Variants in MARCHF6 observed in about 807,000 individuals in gnomAD.
MARCHF6 encodes the protein E3 ubiquitin-protein ligase MARCHF6.
In MARCHF6, 31 loss-of-function variants were observed where a neutral mutation model predicts 133.7. The observed-to-expected ratio is 0.23, with a 90% CI of 0.17 to 0.31. The LOEUF is 0.31. Among genes scored for constraint, MARCHF6 ranks in the 10% least tolerant of loss-of-function variants. The pLI is 1.00. For synonymous variants in MARCHF6, 395 were observed against 402.5 expected (o/e 0.98, Z 0.22); for missense variants, 723 against 1,121.6 (o/e 0.64, Z 5.08).
chr5:10,426,320 G>C (rs911621886), intron 23 of MARCHF6, 70 bp from the exon 24 acceptor site: 1 of 1,542,770 alleles, frequency 6.5e-7, no homozygotes, highest in Non-Finnish European at 8.9e-7. Flanking sequence ...CAGTTGTGTG[G>C]AGATTGCTGT....
intron 1 of MARCHF6, among the ~76,000 whole-genome samples, chr5:10,364,616 T>C (rs1736021361): frequency 2.6e-5 from 4 of 152,172 alleles, no homozygotes; most frequent in Admixed American, 2.6e-4. Context: ...AACTAGCTCA[T>C]TACTGCTGAA....
intron 22 of MARCHF6, among the ~76,000 whole-genome samples, chr5:10,418,474 C>G (rs1036084913): frequency 6.6e-6 from 1 of 151,436 alleles, no homozygotes; most frequent in Non-Finnish European, 1.5e-5. Flanking sequence ...TGGAACTTTT[C>G]TATTGTATTT....
rs1399213132 is a variant in MARCHF6 at position 10,402,150 on chromosome 5, A to G, written c.1053+11A>G. On this transcript the variant is annotated intron_variant, in intron 12 of 25. Transcript: ENST00000274140. ...CTGATAATTTGTCATGTATCCTTTA[A>G]TGAACCAACTTGGGTGTACACTAAT... 2 of 1,524,478 alleles carry G rather than the reference A, an allele frequency of 1.3e-6. No individual in the cohort carries two copies. Among genetic ancestry groups the G allele is most frequent in the Admixed American group, 1.7e-5 (1 of 58,020 alleles). 94.4% of individuals were successfully genotyped at this position (1,524,478 alleles called of 1,614,324 possible). A position where few individuals can be genotyped will look rare whatever the true frequency, so the allele number is the denominator to read the frequency against.
At chr5:10,415,756 T>G in intron 21 of MARCHF6, 87 bp downstream of exon 21, 1 of 1,093,004 alleles carries the variant, frequency 9.1e-7, no homozygotes, top group Non-Finnish European at 1.3e-6. Context: ...TTTTGGCACA[T>G]TTATTTCCTT....
At chr5:10,354,016 CG>C in intron 1 of MARCHF6, 99 bp downstream of exon 1, 3 of 1,252,768 alleles carry the variant, frequency 2.4e-6, no homozygotes, top group Non-Finnish European at 2.1e-6. Flanking sequence ...TGGATCGCGG[CG>C]GGGCGGACGC....
intron 22 of MARCHF6, 28 bp from the exon 23 acceptor site, chr5:10,423,707 A>G: frequency 6.7e-7 from 1 of 1,487,018 alleles, no homozygotes; most frequent in African/African-American, 1.4e-5. Flanking sequence ...AACAACAGAA[A>G]TATGTTAAAT....
At position 10,403,520 on chromosome 5, in the gene MARCHF6, C is replaced by T; in HGVS notation, c.1311C>T (p.Ser437=). 5.6e-6 allele frequency: 9 copies of T among 1,612,950 alleles called. No individual in the cohort carries two copies. Among genetic ancestry groups the T allele is most frequent in the Non-Finnish European group, 7.6e-6 (9 of 1,179,556 alleles). The stretch of plus-strand genomic sequence containing the variant: ...TGGTATATGTCTTCTACTTTGCCTC[C>T]TTCATTCTACTACTGAGAGAGGTAA... ...VGMVYVFYFA[S]FILLLREVLR... Residue 437 remains serine (S), a synonymous_variant, in exon 15 of 26, where the codon TCC becomes TCT. Coordinates refer to ENST00000274140, the MANE Select transcript of MARCHF6 (RefSeq NM_005885.4).
In MARCHF6 at chr5:10,438,529, G is replaced by C. The variant is rs923363837; in HGVS notation, c.*4845G>C. 2 of 152,190 alleles carry C rather than the reference G, an allele frequency of 1.3e-5. No homozygotes were observed. Among genetic ancestry groups the C allele is most frequent in the African/African-American group, 4.8e-5 (2 of 41,456 alleles). 9.4% of individuals were successfully genotyped at this position (152,190 alleles called of 1,614,324 possible). ...ATTAATTTCCCCCTTCCGCTCCACAGTTCATAGCTACTCTTGTTGCAAACA... is the reference window on the plus strand; with the variant it reads ...ATTAATTTCCCCCTTCCGCTCCACACTTCATAGCTACTCTTGTTGCAAACA... On this transcript the variant is annotated 3_prime_UTR_variant, in exon 26 of 26. Coordinates refer to ENST00000274140, the MANE Select transcript of MARCHF6 (RefSeq NM_005885.4).
In MARCHF6 at chr5:10,361,819, A is replaced by G. The variant is rs1205480425; in HGVS notation, c.19+7902A>G. ...GCTCTTGTTGCCTAGGCTGCAGTGC[A>G]ATGGCGCGATCTCGGCTCATGGCAA... On this transcript the variant is annotated intron_variant, in intron 1 of 25. Coordinates refer to ENST00000274140, the MANE Select transcript of MARCHF6 (RefSeq NM_005885.4). Among the ~76,000 whole-genome samples, 3 of 152,040 alleles carry G rather than the reference A, an allele frequency of 2.0e-5. No individual in the cohort carries two copies. In the East Asian group the frequency reaches 5.8e-4, roughly 29 times the overall value.
intron 1 of MARCHF6, among the ~76,000 whole-genome samples, chr5:10,371,863 T>C (rs1579534299): frequency 6.6e-6 from 1 of 152,194 alleles, no homozygotes; most frequent in South Asian, 2.1e-4. Flanking sequence ...AAGTTGCTGC[T>C]GGCTGGCATC....
chr5:10,407,256 G>T, intron 17 of MARCHF6, 54 bp downstream of exon 17: 1 of 881,498 alleles, frequency 1.1e-6, no homozygotes, highest in South Asian at 1.8e-5. Flanking sequence ...TTAGGGATTT[G>T]ATGTTCAGAT....
chr5:10,386,673 T>C (rs572083335), intron 4 of MARCHF6, among the ~76,000 whole-genome samples: 2 of 152,318 alleles, frequency 1.3e-5, no homozygotes, highest in African/African-American at 4.8e-5. Flanking sequence ...ATTTAAAAAA[T>C]TCTTTATATT....
intron 4 of MARCHF6, 85 bp from the exon 5 acceptor site, chr5:10,386,905 GCGTT>G: frequency 1.1e-6 from 1 of 889,522 alleles, no homozygotes; most frequent in Non-Finnish European, 1.9e-6. Context: ...GGCATTTGTG[GCGTT>G]CCACTTTACC....
In MARCHF6 at chr5:10,417,377, T is replaced by A. The variant is rs1394522382; in HGVS notation, c.2256T>A (p.Asp752Glu). 6.2e-6 allele frequency: 10 copies of A among 1,614,028 alleles called. No individual in the cohort carries two copies. Among genetic ancestry groups the A allele is most frequent in the Non-Finnish European group, 8.5e-6 (10 of 1,180,002 alleles). Residue 752 changes from aspartate (D) to glutamate (E), a missense_variant, in exon 22 of 26, where the codon GAT becomes GAA. Physicochemically the swap from Asp to Glu is conservative, Grantham distance 45. Transcript: ENST00000274140. Reference sequence around the variant, plus strand: ...TGGCTCCCCTGAGGGTTCCCTTGGATCAGACTCCTCTTTTTTATCCATGGC... The same window carrying A: ...TGGCTCCCCTGAGGGTTCCCTTGGAACAGACTCCTCTTTTTTATCCATGGC... Reference protein sequence around the residue: ...VIVAPLRVPLDQTPLFYPWQD... With the variant: ...VIVAPLRVPLEQTPLFYPWQD...
rs1316253763 is a variant in MARCHF6, at chr5:10,435,687, A to T, written c.*2003A>T. 5.3e-3 allele frequency: 31 copies of T among 5,836 alleles called. 3 individuals are homozygous for T. The highest frequency in any genetic ancestry group is 0.029 in the African/African-American group (26 of 888). 0.4% of individuals were successfully genotyped at this position (5,836 alleles called of 1,614,324 possible). Reference sequence around the variant, plus strand: ...TATATATATATATATATATATATATATATATATATATTTTTTTTTTTTTTT... The same window carrying T: ...TATATATATATATATATATATATATTTATATATATATTTTTTTTTTTTTTT... On this transcript the variant is annotated 3_prime_UTR_variant, in exon 26 of 26. Coordinates refer to ENST00000274140, the MANE Select transcript of MARCHF6 (RefSeq NM_005885.4).
chr5:10,374,433 G>A (rs1736650280), intron 1 of MARCHF6, among the ~76,000 whole-genome samples: 1 of 152,178 alleles, frequency 6.6e-6, no homozygotes, highest in Admixed American at 6.5e-5. Flanking sequence ...TTTCCCTGGA[G>A]CTGAAGTGTG....
chr5:10,399,602 A>T (rs948062222), intron 10 of MARCHF6, among the ~76,000 whole-genome samples: 1 of 152,186 alleles, frequency 6.6e-6, no homozygotes, highest in Non-Finnish European at 1.5e-5. Context: ...TTTTAAAAAT[A>T]CTTTCATACT....
rs1405295846 is a variant in MARCHF6 at position 10,429,981 on chromosome 5, C to A, written c.2595C>A (p.Phe865Leu). ...MVVVLMAILS[F>L]QVRQFKRLYE... ...TGGTATTGATGGCAATTTTGTCCTT[C>A]CAAGTCCGCCAGTTTAAGCGCCTTT... Residue 865 changes from phenylalanine (F) to leucine (L), a missense_variant, in exon 25 of 26, where the codon TTC (phenylalanine) becomes TTA (leucine). Around this residue, in one of 4 missense-constraint regions of MARCHF6, gnomAD observed 492 missense variants for 699.5 expected, o/e 0.70. Coordinates refer to ENST00000274140, the MANE Select transcript of MARCHF6 (RefSeq NM_005885.4). 6.2e-7 allele frequency: 1 copy of A among 1,613,634 alleles called. No individual in the cohort carries two copies. The highest frequency in any genetic ancestry group is 8.5e-7 in the Non-Finnish European group (1 of 1,179,604).
intron 1 of MARCHF6, among the ~76,000 whole-genome samples, chr5:10,372,497 A>G (rs1393241868): frequency 3.5e-5 from 5 of 143,378 alleles, no homozygotes; most frequent in African/African-American, 1.3e-4. Context: ...CTTGGAAATA[A>G]TAATATGTTA....
Sources: gnomAD v4.1 joint callset for allele counts (sites outside exome capture counted in the v4.1 genomes callset) on GRCh38, gnomAD v4.1.1 for gene constraint, gnomAD v4.1.1 regional missense constraint, MANE v1.5 for transcripts, NCBI Gene and HGNC (gene_info 2026-07-23, HGNC 2026-07-21) for gene names.